CGNL1: variants seen among roughly 807,000 people sequenced by gnomAD.
The protein encoded by CGNL1 is cingulin-like protein 1.
Under a neutral mutation model 141.2 loss-of-function variants are expected in CGNL1, and 132 were observed. That is an observed-to-expected ratio of 0.93 (90% CI 0.81 to 1.08). The LOEUF (loss-of-function observed/expected upper bound fraction) is 1.08. CGNL1 is among the 50% of genes least tolerant of loss of function. The pLI, the probability that CGNL1 is intolerant of heterozygous loss-of-function variation, is 0.00. For synonymous variants in CGNL1, 690 were observed against 622.1 expected, an observed-to-expected ratio of 1.11 and a Z score of -1.63; for missense variants, 1,870 against 1,588.6, an observed-to-expected ratio of 1.18 and a Z score of -3.01.
intron 1 of CGNL1, among the ~76,000 whole-genome samples, chr15:57,394,654 G>A (rs2062582920): frequency 6.6e-6 from 1 of 152,150 alleles, no homozygotes; most frequent in Non-Finnish European, 1.5e-5. Flanking sequence ...TGTTACAAAT[G>A]ACCTATTGTA....
intron 4 of CGNL1, among the ~76,000 whole-genome samples, chr15:57,448,634 C>T (rs1461841858): frequency 1.3e-5 from 2 of 151,430 alleles, no homozygotes; most frequent in African/African-American, 2.4e-5. Flanking sequence ...GATGACAGAG[C>T]AAGACTCTGT....
At chr15:57,502,022 G>C (rs1267424539) in intron 8 of CGNL1, among the ~76,000 whole-genome samples, 19 of 152,172 alleles carry the variant, frequency 1.2e-4, no homozygotes, top group Admixed American at 1.1e-3. Flanking sequence ...GAATGTTCAG[G>C]AGCCTAGAGC....
intron 8 of CGNL1, among the ~76,000 whole-genome samples, chr15:57,473,899 C>CTTTTTTTTTTTTT (rs59761174): frequency 2.8e-5 from 2 of 70,668 alleles, no homozygotes; most frequent in Admixed American, 1.9e-4. Flanking sequence ...TCTTCTTCTT[C>CTTTTTTTTTTTTT]TTTTTTTTTT....
intron 13 of CGNL1, among the ~76,000 whole-genome samples, chr15:57,529,238 A>G (rs2031807100): frequency 6.6e-6 from 1 of 152,140 alleles, no homozygotes; most frequent in African/African-American, 2.4e-5. Flanking sequence ...CACATTCTCC[A>G]TTCTTGCTTC....
At chr15:57,426,601 C>T (rs12594422) in intron 1 of CGNL1, among the ~76,000 whole-genome samples, 4,566 of 148,514 alleles carry the variant, frequency 0.031, 224 homozygotes, top group East Asian at 0.13. Context: ...CATGTGTCTC[C>T]ATGCTTGGCT....
At chr15:57,472,180 G>A (rs1394679592) in intron 8 of CGNL1, among the ~76,000 whole-genome samples, 1 of 152,112 alleles carries the variant, frequency 6.6e-6, no homozygotes, top group Non-Finnish European at 1.5e-5. Flanking sequence ...GAAATCTGAA[G>A]GATGAATGGG....
chr15:57,542,482 C>A (rs1428154104), intron 14 of CGNL1, among the ~76,000 whole-genome samples: 1 of 152,214 alleles, frequency 6.6e-6, no homozygotes, highest in African/African-American at 2.4e-5. Context: ...AGAAGAGATG[C>A]TGATGGTCAG....
chr15:57,428,706 A>G (rs2063008183), intron 1 of CGNL1, among the ~76,000 whole-genome samples: 1 of 152,146 alleles, frequency 6.6e-6, no homozygotes, highest in Admixed American at 6.5e-5. Context: ...GGAGGAAAAA[A>G]AAATGTCTAA....
At chr15:57,451,722 C>T in intron 5 of CGNL1, 121 bp downstream of exon 5, 1 of 687,748 alleles carries the variant, frequency 1.5e-6, no homozygotes, top group South Asian at 2.0e-5. Context: ...AGAAACATTC[C>T]TCTAATCACT....
At chr15:57,490,754 T>A (rs1476632010) in intron 8 of CGNL1, among the ~76,000 whole-genome samples, 1 of 152,138 alleles carries the variant, frequency 6.6e-6, no homozygotes, top group African/African-American at 2.4e-5. Context: ...AAAGAGTCAC[T>A]TTTTCTGGTG....
intron 12 of CGNL1, among the ~76,000 whole-genome samples, chr15:57,528,373 A>G (rs912027395): frequency 3.3e-5 from 5 of 152,168 alleles, no homozygotes; most frequent in African/African-American, 1.2e-4. Context: ...ATACTCTGCT[A>G]TTTTTTTCTG....
At chr15:57,486,660 T>G (rs1236266340) in intron 8 of CGNL1, among the ~76,000 whole-genome samples, 12 of 152,268 alleles carry the variant, frequency 7.9e-5, no homozygotes, top group Middle Eastern at 6.8e-3. Flanking sequence ...TTGGAGGCAT[T>G]GAGAAGGAAC....
intron 8 of CGNL1, among the ~76,000 whole-genome samples, chr15:57,511,135 G>T (rs1183231830): frequency 6.6e-6 from 1 of 152,196 alleles, no homozygotes; most frequent in African/African-American, 2.4e-5. Flanking sequence ...TTGCCAGAGG[G>T]TTTGCAATTG....
chr15:57,452,056 G>C, intron 5 of CGNL1, 85 bp from the exon 6 acceptor site: 1 of 1,188,274 alleles, frequency 8.4e-7, no homozygotes, highest in Non-Finnish European at 1.2e-6. Flanking sequence ...CAAAGATATG[G>C]AGTCTGCTTG....
chr15:57,395,543 A>G (rs2062592907), intron 1 of CGNL1, among the ~76,000 whole-genome samples: 1 of 152,216 alleles, frequency 6.6e-6, no homozygotes, highest in Non-Finnish European at 1.5e-5. Context: ...GTTAATAAGA[A>G]CAGGAACTGG....
intron 8 of CGNL1, among the ~76,000 whole-genome samples, chr15:57,483,887 A>AT (rs571806104): frequency 4.9e-4 from 74 of 152,162 alleles, no homozygotes; most frequent in African/African-American, 1.3e-3. Context: ...TGATCATGTG[A>AT]TTTTTCCCTC....
At position 57,439,475 on chromosome 15, in the gene CGNL1, A is replaced by G; in HGVS notation, c.1476A>G (p.Lys492=). 1 of 1,614,236 alleles carries G rather than the reference A, an allele frequency of 6.2e-7. No homozygotes were observed. The highest frequency in any genetic ancestry group is 8.5e-7 in the Non-Finnish European group (1 of 1,180,048). The change falls in exon 2 of 19, where the codon AAA becomes AAG. Residue 492 remains lysine (K), a synonymous_variant. Transcript: ENST00000281282. Reference sequence around the variant, plus strand: ...CGCCCTCCCTTGGTGCACAGAGTAAAAAGGAGGAGGAGGTGAAAACAGCCA... The same window carrying G: ...CGCCCTCCCTTGGTGCACAGAGTAAGAAGGAGGAGGAGGTGAAAACAGCCA... ...IRAPSLGAQS[K]KEEEVKTATA...
intron 13 of CGNL1, among the ~76,000 whole-genome samples, chr15:57,530,630 CAG>C (rs2031896805): frequency 6.6e-6 from 1 of 152,110 alleles, no homozygotes. Context: ...ACTGAATAAA[CAG>C]GAGGCTTCGG....
chr15:57,526,216 G>C (rs2031604344), intron 12 of CGNL1, among the ~76,000 whole-genome samples: 1 of 151,334 alleles, frequency 6.6e-6, no homozygotes, highest in South Asian at 2.1e-4. Flanking sequence ...GGAAAATAAA[G>C]ATGGCCCTTC....
Sources: allele counts gnomAD v4.1 joint callset (sites outside exome capture counted in the v4.1 genomes callset), GRCh38; gene constraint gnomAD v4.1.1; transcripts MANE v1.5; gene names NCBI Gene and HGNC (gene_info 2026-07-23, HGNC 2026-07-21).